Variants in ESCO2 observed in about 807,000 individuals in gnomAD.
ESCO2 encodes N-acetyltransferase ESCO2.
A neutral mutation model predicts 61.7 loss-of-function variants in ESCO2; 51 were observed. That is an observed-to-expected ratio of 0.83 (90% CI 0.66 to 1.04). The LOEUF is 1.04. Among genes scored for constraint, ESCO2 ranks in the 50% least tolerant of loss-of-function variants. The probability of loss-of-function intolerance (pLI) is 0.00; values close to 1 mark genes in which losing one functional copy is unlikely to be tolerated. For missense variants in ESCO2, 692 were observed against 686.2 expected (o/e 1.01, Z -0.09); for synonymous variants, 230 against 238.2 (o/e 0.97, Z 0.32).
At chr8:27,773,066 C>T (rs1474153866), upstream of ESCO2, among the ~76,000 whole-genome samples, 1 of 152,134 alleles carries the variant, frequency 6.6e-6, no homozygotes, top group Non-Finnish European at 1.5e-5. Flanking sequence ...TCATGTAAAG[C>T]TCCTACAGCA....
At chr8:27,813,997 A>G (rs777640594), downstream of ESCO2, among the ~76,000 whole-genome samples, 1 of 152,176 alleles carries the variant, frequency 6.6e-6, no homozygotes, top group East Asian at 1.9e-4. Context: ...CATGCAGTGT[A>G]TAATAATCAC....
downstream of ESCO2, among the ~76,000 whole-genome samples, chr8:27,809,253 A>G (rs960550699): frequency 2.6e-5 from 4 of 152,320 alleles, no homozygotes; most frequent in South Asian, 8.3e-4. Flanking sequence ...TACTTGTCAC[A>G]TTATTTTGAT....
At chr8:27,813,331 A>AG (rs758833041), downstream of ESCO2, among the ~76,000 whole-genome samples, 49 of 151,960 alleles carry the variant, frequency 3.2e-4, no homozygotes, top group Non-Finnish European at 5.7e-4. Flanking sequence ...GGTAGGGGGG[A>AG]GGGATAGCAT....
chr8:27,810,937 T>C (rs549636494), downstream of ESCO2: 1 of 1,382,036 alleles, frequency 7.2e-7, no homozygotes, highest in South Asian at 1.2e-5. Flanking sequence ...TTGGGATTTA[T>C]GTTAGAAATT....
intron 9 of ESCO2, among the ~76,000 whole-genome samples, chr8:27,795,264 GT>G (rs1216822325): frequency 1.3e-5 from 2 of 152,004 alleles, no homozygotes; most frequent in Non-Finnish European, 2.9e-5. Flanking sequence ...CATAAGTGGG[GT>G]TTTTTATGCT....
At chr8:27,772,557 C>CG, upstream of ESCO2, 1 of 1,548,928 alleles carries the variant, frequency 6.5e-7, no homozygotes, top group Non-Finnish European at 8.7e-7. Flanking sequence ...GGGAGCGGTG[C>CG]GGTGACTCCA....
In ESCO2 at chr8:27,803,145, T is replaced by C. The variant is rs1805487531; in HGVS notation, c.1674-161T>C. On this transcript the variant is annotated intron_variant, in intron 10 of 10. Transcript: ENST00000305188. ...TTCTGGACCTTAGTTTTCCCATCTGTGAAATGATATCATTAGACTTCTGTC... is the reference window on the plus strand; with the variant it reads ...TTCTGGACCTTAGTTTTCCCATCTGCGAAATGATATCATTAGACTTCTGTC... 3.3e-5 allele frequency among the ~76,000 whole-genome samples: 5 copies of C among 152,178 alleles called. No individual in the cohort carries two copies. In the South Asian group the frequency reaches 1.0e-3, roughly 31 times the overall value.
chr8:27,779,722 GTGCAGTGGCACGATCTTGGCTCAC>G (rs1456049443), intron 3 of ESCO2: 1 of 178,396 alleles, frequency 5.6e-6, no homozygotes, highest in Non-Finnish European at 1.2e-5. Context: ...CCAGGCTGGA[GTGCAGTGGCACGATCTTGGCTCAC>G]TGCAACCTCC....
intron 7 of ESCO2, among the ~76,000 whole-genome samples, chr8:27,789,527 C>T (rs1052375159): frequency 6.6e-6 from 1 of 152,142 alleles, no homozygotes; most frequent in Non-Finnish European, 1.5e-5. Flanking sequence ...CTCCTGTAAT[C>T]CCAGCATTTT....
chr8:27,799,710 C>CAATCA lies in ESCO2; in HGVS notation c.1667_1668insAATCA (p.Leu557IlefsTer18). 1 of 1,613,708 alleles carries CAATCA rather than the reference C, an allele frequency of 6.2e-7. No individual in the cohort carries two copies. The highest frequency in any genetic ancestry group is 1.7e-5 in the Admixed American group (1 of 59,930). ...CGCATTGCAAGACGACTGGTTGATA[C>CAATCA]CCTCAGGTAAGAAATAAAATGGATC... On this transcript the variant is annotated frameshift_variant, in exon 10 of 11. Coordinates refer to ENST00000305188, the MANE Select transcript of ESCO2 (RefSeq NM_001017420.3). LOFTEE classifies it high-confidence loss of function.
At chr8:27,787,065 T>A (rs1805063003) in intron 5 of ESCO2, among the ~76,000 whole-genome samples, 1 of 152,136 alleles carries the variant, frequency 6.6e-6, no homozygotes, top group Admixed American at 6.5e-5. Flanking sequence ...AACTCATAGA[T>A]TCTTTGATGG....
At chr8:27,779,311 G>T (rs747867428) in intron 3 of ESCO2, 6 of 152,178 alleles carry the variant, frequency 3.9e-5, no homozygotes, top group Non-Finnish European at 8.8e-5. Flanking sequence ...GGATATTATG[G>T]TTTTGAGTAG....
intron 7 of ESCO2, among the ~76,000 whole-genome samples, chr8:27,790,350 C>T (rs919391683): frequency 6.6e-6 from 1 of 152,106 alleles, no homozygotes; most frequent in African/African-American, 2.4e-5. Flanking sequence ...TATAGTAATA[C>T]TTTCACATGA....
At position 27,775,583 on chromosome 8, in the gene ESCO2, T is replaced by G; in HGVS notation, c.53+16T>G. The G allele has an allele frequency of 6.2e-7, 1 of 1,613,954 alleles. No individual in the cohort carries two copies. The highest frequency in any genetic ancestry group is 8.5e-7 in the Non-Finnish European group (1 of 1,179,824). On this transcript the variant is annotated intron_variant, in intron 2 of 10. Coordinates refer to ENST00000305188, the MANE Select transcript of ESCO2 (RefSeq NM_001017420.3). ...AGTGTGACAGGTGAATCTCAGCCTG[T>G]GAATAGAAACTCTTAGAAAAATCCA...
downstream of ESCO2, among the ~76,000 whole-genome samples, chr8:27,813,291 G>A (rs1211950047): frequency 6.6e-6 from 1 of 152,106 alleles, no homozygotes; most frequent in Non-Finnish European, 1.5e-5. Flanking sequence ...ACACAGGGTG[G>A]GGAACATCAC....
At position 27,792,786 on chromosome 8, in the gene ESCO2, G is replaced by A. The variant is rs970387909; in HGVS notation, c.1472G>A (p.Cys491Tyr). Residue 491 changes from cysteine (C) to tyrosine (Y), a missense_variant, in exon 9 of 11, where the codon TGT becomes TAT. Coordinates refer to ENST00000305188, the MANE Select transcript of ESCO2 (RefSeq NM_001017420.3). Reference protein sequence around the residue: ...FISDEKRVVGCLIAEPIKQAF... With the variant: ...FISDEKRVVGYLIAEPIKQAF... ...TCTGATGAAAAGAGAGTAGTTGGGT[G>A]TTTAATTGCAGAACCCATCAAACAG... is the stretch of plus-strand genomic sequence containing the variant. 2 of 1,605,322 alleles carry A rather than the reference G, an allele frequency of 1.2e-6. No homozygotes were observed. The highest frequency in any genetic ancestry group is 1.7e-5 in the Admixed American group (1 of 58,252).
chr8:27,787,739 C>T, intron 5 of ESCO2, 146 bp from the exon 6 acceptor site: 1 of 645,634 alleles, frequency 1.5e-6, no homozygotes, highest in South Asian at 1.8e-5. Flanking sequence ...TCAGGTTTCT[C>T]TTTGTTCCTG....
Position 27,787,969 on chromosome 8 carries a change from T to TA in ESCO2, c.1099dup (p.Thr367AsnfsTer3). On this transcript the variant is annotated frameshift_variant, in exon 6 of 11. Transcript: ENST00000305188. LOFTEE classifies it high-confidence loss of function. ...TCCAGAAAAATACTAATACCAGAGA[T>TA]ACAAGTAAAAAAACAAAAGACCAGC... The TA allele has an allele frequency of 6.2e-7, 1 of 1,613,520 alleles. No homozygotes were observed. The highest frequency in any genetic ancestry group is 8.5e-7 in the Non-Finnish European group (1 of 1,179,658).
chr8:27,808,313 T>C (rs569709690), downstream of ESCO2: 19 of 744,248 alleles, frequency 2.6e-5, no homozygotes, highest in Non-Finnish European at 3.5e-5. Context: ...CTTCTACAGA[T>C]TCTAAAGGGA....
Sources: allele counts gnomAD v4.1 joint callset (sites outside exome capture counted in the v4.1 genomes callset), GRCh38; gene constraint gnomAD v4.1.1; transcripts MANE v1.5; gene names NCBI Gene and HGNC (gene_info 2026-07-23, HGNC 2026-07-21).